MALRD1: variants seen among roughly 807,000 people sequenced by gnomAD.
The protein encoded by MALRD1 is MAM and LDL-receptor class A domain-containing protein 1.
Under a neutral mutation model 242.1 loss-of-function variants are expected in MALRD1, and 247 were observed. The ratio of observed to expected loss-of-function variants is 1.02; its 90% CI spans 0.92 to 1.13. The LOEUF (loss-of-function observed/expected upper bound fraction) is 1.13. Among genes scored for constraint, MALRD1 ranks in the 50% most tolerant of loss-of-function variants. MALRD1 has a pLI of 0.00. For missense variants in MALRD1, 2,989 were observed against 2,533.1 expected (o/e 1.18, Z -3.86); for synonymous variants, 995 against 866.6 (o/e 1.15, Z -2.60).
chr10:19,324,111 G>T lies in MALRD1; in HGVS notation c.3576+6G>T, dbSNP rs1414356206. The T allele has an allele frequency of 5.2e-6, 8 of 1,546,512 alleles. No individual in the cohort carries two copies. Among genetic ancestry groups the T allele is most frequent in the Non-Finnish European group, 7.0e-6 (8 of 1,145,354 alleles). Reference sequence around the variant, plus strand: ...CCACCGTTGGTTCTCTCCAGGTACTGCTTAGGCAATCACATTTTCTGAATT... The same window carrying T: ...CCACCGTTGGTTCTCTCCAGGTACTTCTTAGGCAATCACATTTTCTGAATT... On this transcript the variant is annotated splice_donor_region_variant and intron_variant, in intron 22 of 39. Coordinates refer to ENST00000454679, the MANE Select transcript of MALRD1 (RefSeq NM_001142308.3).
intron 32 of MALRD1, among the ~76,000 whole-genome samples, chr10:19,536,046 G>C (rs1374243657): frequency 6.6e-6 from 1 of 152,146 alleles, no homozygotes; most frequent in Non-Finnish European, 1.5e-5. Context: ...CCTTGTCAGC[G>C]TAAATTTTCT....
intron 36 of MALRD1, among the ~76,000 whole-genome samples, chr10:19,623,339 A>G (rs1438246369): frequency 6.6e-6 from 1 of 152,142 alleles, no homozygotes; most frequent in Non-Finnish European, 1.5e-5. Flanking sequence ...GAAGAAAGAG[A>G]TAAAAAATTC....
At chr10:19,332,180 T>G (rs543109770) in intron 24 of MALRD1, among the ~76,000 whole-genome samples, 23 of 151,710 alleles carry the variant, frequency 1.5e-4, no homozygotes, top group South Asian at 1.0e-3. Context: ...AAATGTTGTT[T>G]TTTTTTTTTT....
chr10:19,127,351 A>G (rs1303123083), intron 7 of MALRD1, among the ~76,000 whole-genome samples: 1 of 152,190 alleles, frequency 6.6e-6, no homozygotes, highest in African/African-American at 2.4e-5. Flanking sequence ...AAATAGTGTA[A>G]GCTTTTACAT....
intron 28 of MALRD1, among the ~76,000 whole-genome samples, chr10:19,430,642 A>C (rs923167055): frequency 1.3e-5 from 2 of 152,130 alleles, no homozygotes; most frequent in Non-Finnish European, 2.9e-5. Context: ...TCCTTAAATC[A>C]TGTATTCTTA....
intron 35 of MALRD1, 66 bp from the exon 36 acceptor site, chr10:19,615,791 G>A: frequency 8.2e-7 from 1 of 1,220,664 alleles, no homozygotes; most frequent in Non-Finnish European, 1.1e-6. Context: ...GACAAATAGT[G>A]ATATCTTCTT....
chr10:19,370,250 T>A (rs1845316755), intron 26 of MALRD1, among the ~76,000 whole-genome samples: 1 of 152,152 alleles, frequency 6.6e-6, no homozygotes, highest in African/African-American at 2.4e-5. Flanking sequence ...TATATATTTT[T>A]ATATAAATGT....
chr10:19,527,648 A>G (rs1274608065), intron 31 of MALRD1, among the ~76,000 whole-genome samples: 1 of 152,178 alleles, frequency 6.6e-6, no homozygotes, highest in Non-Finnish European at 1.5e-5. Context: ...GAACTATAAA[A>G]TAGAAATAAC....
At chr10:19,384,880 G>A (rs1487252426) in intron 26 of MALRD1, among the ~76,000 whole-genome samples, 1 of 150,932 alleles carries the variant, frequency 6.6e-6, no homozygotes, top group Non-Finnish European at 1.5e-5. Flanking sequence ...TTTTACTGTT[G>A]AGTGTGATGT....
chr10:19,410,694 A>G (rs372103944), intron 28 of MALRD1, among the ~76,000 whole-genome samples: 1 of 42,040 alleles, frequency 2.4e-5, no homozygotes, highest in Non-Finnish European at 4.9e-5. Flanking sequence ...TTTTTTTTTT[A>G]TCTTTATCAA....
intron 28 of MALRD1, among the ~76,000 whole-genome samples, chr10:19,428,731 C>T (rs761578010): frequency 5.9e-5 from 9 of 151,830 alleles, no homozygotes; most frequent in Admixed American, 1.3e-4. Flanking sequence ...TTATTTAAAC[C>T]GCAAGCATAC....
At chr10:19,355,966 A>G (rs1844619743) in intron 26 of MALRD1, among the ~76,000 whole-genome samples, 1 of 149,350 alleles carries the variant, frequency 6.7e-6, no homozygotes, top group African/African-American at 2.5e-5. Context: ...GTTGGAATGC[A>G]GACAATATAA....
At chr10:19,124,043 C>CAAAA (rs71387044) in intron 6 of MALRD1, among the ~76,000 whole-genome samples, 5 of 87,218 alleles carry the variant, frequency 5.7e-5, no homozygotes, top group East Asian at 3.1e-4. Flanking sequence ...TCATCTCTAC[C>CAAAA]AAAAAAAAAA....
intron 28 of MALRD1, among the ~76,000 whole-genome samples, chr10:19,415,473 A>G (rs113272471): frequency 0.015 from 2,229 of 152,264 alleles, 66 homozygotes; most frequent in African/African-American, 0.051. Flanking sequence ...GTGTTATTGT[A>G]CTAGCTTAAG....
At chr10:19,722,590 TAAAAAAAAAAAAAAAA>T (rs372286640) in intron 38 of MALRD1, 1 of 45,366 alleles carries the variant, frequency 2.2e-5, no homozygotes, top group Non-Finnish European at 3.6e-5. Flanking sequence ...ACCATGTCTC[TAAAAAAAAAAAAAAAA>T]AAAAAAAAAA....
chr10:19,285,349 A>T (rs1243935207), intron 21 of MALRD1, among the ~76,000 whole-genome samples: 1 of 141,608 alleles, frequency 7.1e-6, no homozygotes, highest in East Asian at 2.2e-4. Flanking sequence ...CTGAATGGTA[A>T]TGCCTAGGTT....
intron 14 of MALRD1, among the ~76,000 whole-genome samples, chr10:19,197,366 C>T (rs571639982): frequency 1.4e-4 from 22 of 152,022 alleles, no homozygotes; most frequent in Non-Finnish European, 2.9e-4. Context: ...TTTTGTCCTC[C>T]ACTCTCTTCA....
At chr10:19,458,679 A>G (rs1210659153) in intron 29 of MALRD1, among the ~76,000 whole-genome samples, 3 of 152,172 alleles carry the variant, frequency 2.0e-5, no homozygotes, top group South Asian at 2.1e-4. Flanking sequence ...AGGAAGTAGC[A>G]TGTGTCATTT....
chr10:19,207,375 G>A (rs1189162743), intron 17 of MALRD1, among the ~76,000 whole-genome samples: 1 of 152,094 alleles, frequency 6.6e-6, no homozygotes, highest in Non-Finnish European at 1.5e-5. Flanking sequence ...ATTGACTATG[G>A]TAGGCTTCCC....
Sources: gnomAD v4.1 joint callset for allele counts (sites outside exome capture counted in the v4.1 genomes callset) on GRCh38, gnomAD v4.1.1 for gene constraint, MANE v1.5 for transcripts, NCBI Gene and HGNC (gene_info 2026-07-23, HGNC 2026-07-21) for gene names.